SLC30A7: variants seen among roughly 807,000 people sequenced by gnomAD.
The protein encoded by SLC30A7 is zinc transporter 7.
SLC30A7 carries 35 observed loss-of-function variants against 46.0 expected under a neutral mutation model. That is an observed-to-expected ratio of 0.76 (90% CI 0.58 to 1.01). The LOEUF (loss-of-function observed/expected upper bound fraction) is 1.01. Among genes scored for constraint, SLC30A7 ranks in the 50% least tolerant of loss-of-function variants. The probability of loss-of-function intolerance (pLI) is 0.00; values close to 1 mark genes in which losing one functional copy is unlikely to be tolerated. For synonymous variants in SLC30A7, 147 were observed against 157.8 expected (o/e 0.93, Z 0.51); for missense variants, 464 against 451.1 (o/e 1.03, Z -0.26).
Position 100,913,766 on chromosome 1 carries a change from C to T in SLC30A7, c.615C>T (p.Ser205=). The T allele has an allele frequency of 6.2e-7, 1 of 1,613,824 alleles. No homozygotes were observed. The highest frequency in any genetic ancestry group is 8.5e-7 in the Non-Finnish European group (1 of 1,179,754). The change falls in exon 6 of 11, where the codon AGC becomes AGT. Residue 205 remains serine, a synonymous_variant. Transcript: ENST00000357650. ...SHEVKHGAAH[S]HDHAHGHGHF... ...AAGTGAAACATGGTGCTGCACATAG[C>T]CATGATCATGCTCATGGACATGGAC...
intron 6 of SLC30A7, among the ~76,000 whole-genome samples, chr1:100,917,472 G>C (rs922307449): frequency 6.6e-6 from 1 of 152,038 alleles, no homozygotes; most frequent in African/African-American, 2.4e-5. Flanking sequence ...CTGATGATCT[G>C]TTTAAACAAA....
chr1:100,956,240 A>G (rs984062372), intron 8 of SLC30A7, among the ~76,000 whole-genome samples: 2 of 152,140 alleles, frequency 1.3e-5, no homozygotes, highest in African/African-American at 4.8e-5. Context: ...TGGTGTTAAA[A>G]TGAGTGATCT....
downstream of SLC30A7, among the ~76,000 whole-genome samples, chr1:100,985,705 G>GC (rs112851481): frequency 6.7e-3 from 981 of 147,118 alleles, 16 homozygotes; most frequent in African/African-American, 0.021. Flanking sequence ...ACATTTACAT[G>GC]AAAAAAAAAA....
At chr1:100,937,576 T>C (rs550029067) in intron 8 of SLC30A7, among the ~76,000 whole-genome samples, 1 of 152,356 alleles carries the variant, frequency 6.6e-6, no homozygotes, top group African/African-American at 2.4e-5. Context: ...ATTACTGATG[T>C]TGAACATTTT....
chr1:100,928,702 GA>G (rs1437150186), intron 8 of SLC30A7, among the ~76,000 whole-genome samples: 1 of 151,938 alleles, frequency 6.6e-6, no homozygotes, highest in Admixed American at 6.6e-5. Flanking sequence ...GATCATGGTA[GA>G]AAATTTTGAA....
intron 8 of SLC30A7, among the ~76,000 whole-genome samples, chr1:100,935,529 A>G (rs1432028477): frequency 6.6e-6 from 1 of 152,194 alleles, no homozygotes; most frequent in Non-Finnish European, 1.5e-5. Context: ...ATTTTTGGCT[A>G]TCACCTATGC....
intron 8 of SLC30A7, among the ~76,000 whole-genome samples, chr1:100,956,695 T>C (rs909822726): frequency 1.8e-4 from 27 of 152,228 alleles, no homozygotes; most frequent in African/African-American, 5.8e-4. Context: ...CACCTATTGC[T>C]TAAGTAATGT....
intron 8 of SLC30A7, among the ~76,000 whole-genome samples, chr1:100,951,717 AGTG>A (rs1477937412): frequency 2.0e-5 from 3 of 152,162 alleles, no homozygotes; most frequent in African/African-American, 7.2e-5. Context: ...TCCTCTGGCC[AGTG>A]AGGTCCTGCC....
chr1:100,990,465 T>C, the SLC30A7 span: 1 of 1,614,152 alleles, frequency 6.2e-7, no homozygotes, highest in Admixed American at 1.7e-5. Context: ...AAAACAGACT[T>C]AGCATCTCCA....
intron 8 of SLC30A7, among the ~76,000 whole-genome samples, chr1:100,925,498 G>T (rs928655759): frequency 2.0e-5 from 3 of 152,172 alleles, no homozygotes; most frequent in African/African-American, 7.2e-5. Context: ...GGCCATGGTG[G>T]CTTGGTCTTA....
chr1:100,973,015 A>T (rs1656243486), intron 10 of SLC30A7, among the ~76,000 whole-genome samples: 1 of 151,474 alleles, frequency 6.6e-6, no homozygotes, highest in Non-Finnish European at 1.5e-5. Flanking sequence ...TATTAAATAT[A>T]TTTTTCTTAA....
rs948232619 is a variant in SLC30A7 at position 100,941,096 on chromosome 1, T to C, written c.842+19255T>C. 1.6e-5 allele frequency: 5 copies of C among 317,172 alleles called. 1 individual carries two copies. The highest frequency in any genetic ancestry group is 1.1e-4 in the African/African-American group (5 of 45,102). The allele number at this position is 317,172 out of a possible 1,614,324, so 19.6% of individuals were successfully genotyped here. A position where few individuals can be genotyped will look rare whatever the true frequency, so the allele number is the denominator to read the frequency against. On this transcript the variant is annotated intron_variant, in intron 8 of 10. Coordinates refer to ENST00000357650, the MANE Select transcript of SLC30A7 (RefSeq NM_133496.5). The stretch of plus-strand genomic sequence containing the variant: ...TGGTTTCATAGTTTAGAAAAGAATT[T>C]GCCTCCACCACCATAGGGGCCAGAT...
downstream of SLC30A7, among the ~76,000 whole-genome samples, chr1:100,984,221 C>T (rs1160536291): frequency 6.6e-5 from 10 of 152,088 alleles, no homozygotes; most frequent in Non-Finnish European, 1.3e-4. Flanking sequence ...GTACAGCAAC[C>T]CTGTTGCTTT....
intron 6 of SLC30A7, among the ~76,000 whole-genome samples, chr1:100,917,770 AAGAG>A (rs1204918150): frequency 6.6e-6 from 1 of 152,190 alleles, no homozygotes; most frequent in Non-Finnish European, 1.5e-5. Flanking sequence ...TTCCAATTGT[AAGAG>A]TATTAAAAGA....
At chr1:100,963,530 A>G (rs974188883) in intron 9 of SLC30A7, among the ~76,000 whole-genome samples, 1 of 152,152 alleles carries the variant, frequency 6.6e-6, no homozygotes, top group Non-Finnish European at 1.5e-5. Context: ...AACTCCTTTA[A>G]GAAGTGTTGT....
At chr1:100,994,995 C>T in the SLC30A7 span, 1 of 689,550 alleles carries the variant, frequency 1.5e-6, no homozygotes, top group South Asian at 1.7e-5. Flanking sequence ...AATGTTCACA[C>T]TGTTAATGAG....
chr1:100,961,765 T>C lies in SLC30A7; in HGVS notation c.843-63T>C, dbSNP rs552577198. 5 of 978,690 alleles carry C rather than the reference T, an allele frequency of 5.1e-6. No individual in the cohort carries two copies. The East Asian group carries it at 1.3e-4, about 26-fold the overall frequency. 60.6% of individuals were successfully genotyped at this position (978,690 alleles called of 1,614,324 possible). On this transcript the variant is annotated intron_variant, in intron 8 of 10. Transcript: ENST00000357650. The stretch of plus-strand genomic sequence containing the variant: ...CTACCGTAGGGAGGCATATTATTAC[T>C]TTCTTGCTGGATGGGATTAGCAGAA...
intron 3 of SLC30A7, among the ~76,000 whole-genome samples, chr1:100,910,700 C>CT (rs1231522524): frequency 1.3e-5 from 2 of 152,112 alleles, no homozygotes. Flanking sequence ...CTTTCTTCTA[C>CT]TTTTTAGCCG....
chr1:100,949,400 AC>A (rs1654833948), intron 8 of SLC30A7, among the ~76,000 whole-genome samples: 1 of 151,918 alleles, frequency 6.6e-6, no homozygotes, highest in African/African-American at 2.4e-5. Flanking sequence ...CCAGAGGGGC[AC>A]CCGCCTGTGT....
Sources: gnomAD v4.1 joint callset for allele counts (sites outside exome capture counted in the v4.1 genomes callset) on GRCh38, gnomAD v4.1.1 for gene constraint, MANE v1.5 for transcripts, NCBI Gene and HGNC (gene_info 2026-07-23, HGNC 2026-07-21) for gene names.